RANBP9: variants seen among roughly 807,000 people sequenced by gnomAD.
The protein encoded by RANBP9 is ran-binding protein 9.
Under a neutral mutation model 84.3 loss-of-function variants are expected in RANBP9, and 15 were observed. The ratio of observed to expected loss-of-function variants is 0.18; its 90% CI spans 0.12 to 0.27. RANBP9 has a LOEUF of 0.27. Ranked by LOEUF, RANBP9 falls within the 10% of genes least tolerant of loss-of-function variation. The pLI is 1.00. For synonymous variants in RANBP9, 392 were observed against 349.6 expected (o/e 1.12, Z -1.35); for missense variants, 809 against 912.8 (o/e 0.89, Z 1.46).
chr6:13,705,301 G>A (rs1245440351), intron 1 of RANBP9, among the ~76,000 whole-genome samples: 1 of 150,192 alleles, frequency 6.7e-6, no homozygotes, highest in Non-Finnish European at 1.5e-5. Flanking sequence ...CTACTTGGGA[G>A]GCTGAGGCTG....
At chr6:13,672,864 A>C (rs532322889) in intron 2 of RANBP9, among the ~76,000 whole-genome samples, 2 of 152,154 alleles carry the variant, frequency 1.3e-5, no homozygotes, top group South Asian at 2.1e-4. Flanking sequence ...AAAAAACAAC[A>C]ATCAGTGAGC....
intron 2 of RANBP9, among the ~76,000 whole-genome samples, chr6:13,659,691 C>T (rs1765497305): frequency 6.6e-6 from 1 of 152,088 alleles, no homozygotes; most frequent in Admixed American, 6.5e-5. Context: ...TTTTAAATGG[C>T]ATTTGATAAA....
At chr6:13,694,252 G>T (rs1766389859) in intron 2 of RANBP9, among the ~76,000 whole-genome samples, 1 of 152,282 alleles carries the variant, frequency 6.6e-6, no homozygotes, top group African/African-American at 2.4e-5. Context: ...CAAAAAACTG[G>T]AAACTGAGAA....
At chr6:13,695,401 GT>G (rs773285024) in intron 2 of RANBP9, among the ~76,000 whole-genome samples, 4,860 of 84,778 alleles carry the variant, frequency 0.057, 66 homozygotes, top group Admixed American at 0.13. Context: ...CCAACCAAAT[GT>G]TTTTTTTTTT....
chr6:13,687,669 T>C (rs929197279), intron 2 of RANBP9, among the ~76,000 whole-genome samples: 2 of 152,128 alleles, frequency 1.3e-5, no homozygotes, highest in African/African-American at 4.8e-5. Context: ...TGTAAAAAAT[T>C]AAGTCCTAAT....
intron 2 of RANBP9, among the ~76,000 whole-genome samples, chr6:13,682,497 G>C (rs1043651826): frequency 1.3e-5 from 2 of 150,614 alleles, no homozygotes; most frequent in African/African-American, 4.9e-5. Context: ...TTGTTGCCCA[G>C]CCTGCAGTGC....
chr6:13,645,632 T>A (rs1765162068), intron 5 of RANBP9, among the ~76,000 whole-genome samples: 1 of 152,228 alleles, frequency 6.6e-6, no homozygotes, highest in Non-Finnish European at 1.5e-5. Flanking sequence ...AATAACTTGC[T>A]CATGGTCGTT....
At chr6:13,702,312 G>A (rs572243853) in intron 1 of RANBP9, among the ~76,000 whole-genome samples, 5 of 152,244 alleles carry the variant, frequency 3.3e-5, no homozygotes, top group East Asian at 1.9e-4. Context: ...GCATGGTGGC[G>A]GGTGTGTGTA....
intron 2 of RANBP9, among the ~76,000 whole-genome samples, chr6:13,678,704 C>T (rs916450690): frequency 1.8e-4 from 28 of 152,100 alleles, no homozygotes; most frequent in African/African-American, 6.3e-4. Context: ...TGGACTTTTC[C>T]GTGGCTCCTG....
At chr6:13,678,705 G>A (rs140723728) in intron 2 of RANBP9, among the ~76,000 whole-genome samples, 6 of 152,114 alleles carry the variant, frequency 3.9e-5, no homozygotes, top group South Asian at 2.1e-4. Flanking sequence ...GGACTTTTCC[G>A]TGGCTCCTGT....
At chr6:13,676,376 T>G (rs542179632) in intron 2 of RANBP9, among the ~76,000 whole-genome samples, 1 of 151,654 alleles carries the variant, frequency 6.6e-6, no homozygotes, top group East Asian at 1.9e-4. Context: ...CAACCAAACA[T>G]GTAAGGAAGA....
Position 13,637,937 on chromosome 6 carries a change from TTAC to T in RANBP9, c.1541_1543del (p.Ser514del). The T allele has an allele frequency of 6.3e-7, 1 of 1,595,370 alleles. No homozygotes were observed. Among genetic ancestry groups the T allele is most frequent in the Non-Finnish European group, 8.5e-7 (1 of 1,174,046 alleles). ...ATGTGCTTTATTTGATATTACACCATTACTACAACTTTCAAAACCTGAAGAAAA... is the reference window on the plus strand; with the variant it reads ...ATGTGCTTTATTTGATATTACACCATTACAACTTTCAAAACCTGAAGAAAA... On this transcript the variant is annotated inframe_deletion, in exon 10 of 14. Coordinates refer to ENST00000011619, the MANE Select transcript of RANBP9 (RefSeq NM_005493.3).
intron 1 of RANBP9, among the ~76,000 whole-genome samples, chr6:13,705,898 A>G (rs1168846940): frequency 1.3e-5 from 2 of 149,212 alleles, no homozygotes; most frequent in African/African-American, 4.9e-5. Flanking sequence ...AAACATTTTT[A>G]TATCACCCCC....
chr6:13,701,844 T>C (rs925323038), intron 1 of RANBP9, among the ~76,000 whole-genome samples: 3 of 152,030 alleles, frequency 2.0e-5, no homozygotes, highest in African/African-American at 7.2e-5. Flanking sequence ...CACTCTTTTA[T>C]TACAAAGTGA....
At chr6:13,693,513 G>A (rs562932765) in intron 2 of RANBP9, among the ~76,000 whole-genome samples, 1 of 152,230 alleles carries the variant, frequency 6.6e-6, no homozygotes, top group East Asian at 1.9e-4. Context: ...TTTGGAGGCC[G>A]AGGCGGACAG....
In RANBP9 at chr6:13,622,463, G is replaced by T; in HGVS notation, c.2089C>A (p.Leu697Ile). The T allele has an allele frequency of 6.3e-7, 1 of 1,593,480 alleles. No individual in the cohort carries two copies. The highest frequency in any genetic ancestry group is 8.5e-7 in the Non-Finnish European group (1 of 1,170,892). ...GTGGCCTGTCCCATTGCTAGGGCAA[G>T]TGGAGGTTGCTTTGGCAGATTGTGG... ...ETHNLPKQPP[L>I]ALAMGQATQC... is the part of the protein sequence containing the mutation. Residue 697 changes from leucine to isoleucine, a missense_variant, in exon 14 of 14, where the codon CTT (leucine) becomes ATT (isoleucine). Transcript: ENST00000011619.
intron 1 of RANBP9, among the ~76,000 whole-genome samples, chr6:13,703,403 GATCA>G (rs1025288940): frequency 3.3e-5 from 5 of 152,152 alleles, no homozygotes; most frequent in Admixed American, 6.5e-5. Flanking sequence ...CCAAGCTTCA[GATCA>G]ATTATGGTTA....
chr6:13,696,572 T>G (rs1477679670), intron 2 of RANBP9, among the ~76,000 whole-genome samples: 1 of 152,196 alleles, frequency 6.6e-6, no homozygotes, highest in Admixed American at 6.5e-5. Context: ...ATAATAAACC[T>G]ACCAGAAAAG....
intron 11 of RANBP9, among the ~76,000 whole-genome samples, chr6:13,633,548 G>T (rs1322337898): frequency 4.6e-5 from 7 of 152,166 alleles, no homozygotes; most frequent in Non-Finnish European, 8.8e-5. Flanking sequence ...ACACAGAGCA[G>T]TTAAGTAATT....
Sources: gnomAD v4.1 joint callset for allele counts (sites outside exome capture counted in the v4.1 genomes callset) on GRCh38, gnomAD v4.1.1 for gene constraint, MANE v1.5 for transcripts, NCBI Gene and HGNC (gene_info 2026-07-23, HGNC 2026-07-21) for gene names.